The following TRPM3 variants were observed in gnomAD, a reference collection of about 807,000 sequenced individuals.
TRPM3 encodes the protein long transient receptor potential channel 3.
Under a neutral mutation model 181.2 loss-of-function variants are expected in TRPM3, and 77 were observed. The ratio of observed to expected loss-of-function variants is 0.42; its 90% CI spans 0.35 to 0.51. The LOEUF (loss-of-function observed/expected upper bound fraction) is 0.51, where lower values mean the gene tolerates loss of function less well. Among genes scored for constraint, TRPM3 ranks in the 20% least tolerant of loss-of-function variants. The pLI is 0.01. For missense variants in TRPM3, 1,759 were observed against 2,196.7 expected (o/e 0.80, Z 3.98); for synonymous variants, 745 against 796.4 (o/e 0.94, Z 1.09).
chr9:70,808,964 A>C (rs890560305), intron 6 of TRPM3, among the ~76,000 whole-genome samples: 4 of 152,192 alleles, frequency 2.6e-5, no homozygotes, highest in Non-Finnish European at 2.9e-5. Context: ...GTGGTCCCAT[A>C]AGGTAGTAAT....
intron 1 of TRPM3, among the ~76,000 whole-genome samples, chr9:71,057,266 A>G (rs1486258914): frequency 1.3e-5 from 2 of 151,902 alleles, no homozygotes; most frequent in Non-Finnish European, 2.9e-5. Flanking sequence ...AACTCTTGGG[A>G]CACTTTCTCT....
chr9:70,911,583 C>A (rs2096538525), intron 1 of TRPM3, among the ~76,000 whole-genome samples: 1 of 152,112 alleles, frequency 6.6e-6, no homozygotes, highest in Non-Finnish European at 1.5e-5. Flanking sequence ...TCTACTAAAA[C>A]CTGCCTCATG....
chr9:70,678,053 A>G (rs568273391), intron 9 of TRPM3, among the ~76,000 whole-genome samples: 1 of 152,146 alleles, frequency 6.6e-6, no homozygotes, highest in Admixed American at 6.5e-5. Context: ...AAGTTAACTG[A>G]ATATCCTGGT....
At chr9:71,370,278 T>G (rs574422355) in intron 1 of TRPM3, among the ~76,000 whole-genome samples, 1 of 152,176 alleles carries the variant, frequency 6.6e-6, no homozygotes, top group Non-Finnish European at 1.5e-5. Context: ...AAACTAGAAA[T>G]AATTAAGCTT....
chr9:71,097,324 C>A (rs968435924), intron 1 of TRPM3, among the ~76,000 whole-genome samples: 1 of 151,808 alleles, frequency 6.6e-6, no homozygotes, highest in Non-Finnish European at 1.5e-5. Context: ...ACTGTATATA[C>A]AACTGGTGAA....
At chr9:71,028,208 C>A (rs774220256) in intron 1 of TRPM3, among the ~76,000 whole-genome samples, 2 of 152,034 alleles carry the variant, frequency 1.3e-5, no homozygotes, top group Non-Finnish European at 2.9e-5. Context: ...TCATATTCTA[C>A]CAAAGTAAGC....
chr9:71,367,844 A>C (rs1271792264), intron 1 of TRPM3, among the ~76,000 whole-genome samples: 1 of 152,208 alleles, frequency 6.6e-6, no homozygotes, highest in Non-Finnish European at 1.5e-5. Context: ...CTGGACAGGC[A>C]TATGTTGCTT....
At chr9:70,944,431 C>T (rs2096913598) in intron 1 of TRPM3, among the ~76,000 whole-genome samples, 1 of 152,240 alleles carries the variant, frequency 6.6e-6, no homozygotes, top group Admixed American at 6.5e-5. Context: ...TTCCACAGCC[C>T]CACTTTTCTC....
intron 5 of TRPM3, among the ~76,000 whole-genome samples, chr9:70,840,853 T>G (rs2094584764): frequency 6.6e-6 from 1 of 151,930 alleles, no homozygotes; most frequent in African/African-American, 2.4e-5. Context: ...ATTTAGTTAC[T>G]CTATCTTGCA....
chr9:71,131,940 T>C (rs563857444), intron 1 of TRPM3, among the ~76,000 whole-genome samples: 2 of 152,340 alleles, frequency 1.3e-5, no homozygotes, highest in African/African-American at 2.4e-5. Context: ...TTTCCCATGA[T>C]GGCAATTCAT....
At chr9:70,749,574 C>A (rs2075776766) in intron 8 of TRPM3, among the ~76,000 whole-genome samples, 1 of 152,028 alleles carries the variant, frequency 6.6e-6, no homozygotes, top group Non-Finnish European at 1.5e-5. Context: ...TAAATAACAT[C>A]CTGCTTATTA....
intron 1 of TRPM3, among the ~76,000 whole-genome samples, chr9:71,335,550 G>A (rs988170209): frequency 1.3e-5 from 2 of 151,938 alleles, no homozygotes; most frequent in Non-Finnish European, 2.9e-5. Flanking sequence ...AAACAATTCT[G>A]AATATAATTG....
At chr9:71,189,701 C>G (rs2077892981) in intron 1 of TRPM3, among the ~76,000 whole-genome samples, 1 of 151,784 alleles carries the variant, frequency 6.6e-6, no homozygotes, top group Admixed American at 6.6e-5. Flanking sequence ...CCTCAAGGCC[C>G]AACTGAAACA....
chr9:70,759,857 T>G (rs2077768351), intron 8 of TRPM3, among the ~76,000 whole-genome samples: 1 of 152,014 alleles, frequency 6.6e-6, no homozygotes, highest in Admixed American at 6.6e-5. Flanking sequence ...AGGGGAGGGA[T>G]AGCATTAGGA....
Position 70,635,211 on chromosome 9 carries a change from C to G in TRPM3, c.1632G>C (p.Lys544Asn), listed in dbSNP as rs193176016. ...GACCTGCAGTCGAGAGGGTTCTTAC[C>G]TTTTTGACATCCCTGACCAAGTGGT... is the stretch of plus-strand genomic sequence containing the variant. The part of the protein sequence containing the change: ...TLYHLVRDVK[K>N]REYPGFGWIY... The change falls in exon 12 of 26, where the codon AAG (lysine) becomes AAC (asparagine). Residue 544 changes from lysine to asparagine, a missense_variant and splice_region_variant. Physicochemically the swap from Lys to Asn is moderately conservative, Grantham distance 94. Transcript: ENST00000677713. 6.2e-7 allele frequency: 1 copy of G among 1,613,850 alleles called. No individual in the cohort carries two copies. The highest frequency in any genetic ancestry group is 1.3e-5 in the African/African-American group (1 of 75,014).
chr9:70,606,651 GTATATA>G (rs1554775917), intron 19 of TRPM3, among the ~76,000 whole-genome samples: 1 of 140,682 alleles, frequency 7.1e-6, no homozygotes, highest in African/African-American at 2.6e-5. Flanking sequence ...GTGTGTGTGT[GTATATA>G]TATATATATA....
At chr9:71,224,135 G>A (rs901150830) in intron 1 of TRPM3, among the ~76,000 whole-genome samples, 8 of 152,208 alleles carry the variant, frequency 5.3e-5, no homozygotes, top group Non-Finnish European at 1.2e-4. Context: ...TACCAGTGGT[G>A]GTGGGGCCAC....
intron 1 of TRPM3, among the ~76,000 whole-genome samples, chr9:71,040,216 G>T (rs2058669642): frequency 6.6e-6 from 1 of 152,152 alleles, no homozygotes; most frequent in Admixed American, 6.6e-5. Context: ...TAAGCAGAAA[G>T]AGCTCCTAGC....
intron 8 of TRPM3, among the ~76,000 whole-genome samples, chr9:70,683,923 C>T (rs1017832900): frequency 4.6e-5 from 7 of 152,142 alleles, no homozygotes; most frequent in African/African-American, 7.2e-5. Context: ...CAACTCTTTA[C>T]GCCAGGGCTG....
Sources: allele counts gnomAD v4.1 joint callset (sites outside exome capture counted in the v4.1 genomes callset), GRCh38; gene constraint gnomAD v4.1.1; transcripts MANE v1.5; gene names NCBI Gene and HGNC (gene_info 2026-07-23, HGNC 2026-07-21).